Variants in SULF2 observed in about 807,000 individuals in gnomAD.
SULF2 encodes the protein sulfatase 2.
Under a neutral mutation model 107.7 loss-of-function variants are expected in SULF2, and 52 were observed. The ratio of observed to expected loss-of-function variants is 0.48; its 90% CI spans 0.39 to 0.61. The LOEUF is 0.61. Ranked by LOEUF, SULF2 falls within the 20% of genes least tolerant of loss-of-function variation. The probability of loss-of-function intolerance (pLI) is 0.00; values close to 1 mark genes in which losing one functional copy is unlikely to be tolerated. For synonymous variants in SULF2, 460 were observed against 464.3 expected, an observed-to-expected ratio of 0.99 and a Z score of 0.12; for missense variants, 993 against 1,177.3, an observed-to-expected ratio of 0.84 and a Z score of 2.29.
intron 2 of SULF2, among the ~76,000 whole-genome samples, chr20:47,755,599 C>T (rs758511756): frequency 3.9e-5 from 6 of 152,116 alleles, no homozygotes; most frequent in East Asian, 1.9e-4. Flanking sequence ...CAGGTGGGAC[C>T]GCATCTCAGC....
intron 4 of SULF2, among the ~76,000 whole-genome samples, chr20:47,699,753 A>G (rs951955060): frequency 3.9e-5 from 6 of 152,296 alleles, no homozygotes; most frequent in African/African-American, 1.4e-4. Flanking sequence ...ATATTTACCA[A>G]TCAGGAGATT....
intron 5 of SULF2, among the ~76,000 whole-genome samples, chr20:47,688,098 C>T (rs58333289): frequency 0.17 from 26,199 of 150,922 alleles, 2,412 homozygotes; most frequent in Admixed American, 0.19. Context: ...CCAACTTTTG[C>T]CAGAGTACAC....
chr20:47,786,436 C>T (rs967643773), upstream of SULF2: 1 of 152,068 alleles, frequency 6.6e-6, no homozygotes, highest in Non-Finnish European at 1.5e-5. Context: ...ACTCGACTGC[C>T]TTTGCCGAAA....
intron 19 of SULF2, 102 bp downstream of exon 19, chr20:47,659,595 G>T: frequency 1.5e-6 from 2 of 1,357,578 alleles, no homozygotes; most frequent in Non-Finnish European, 2.1e-6. Context: ...CAGAGGGAAG[G>T]GCAGTTTCTC....
intron 1 of SULF2, among the ~76,000 whole-genome samples, chr20:47,772,287 C>G (rs1334801749): frequency 6.6e-6 from 1 of 152,192 alleles, no homozygotes; most frequent in African/African-American, 2.4e-5. Flanking sequence ...CTGTGTATCA[C>G]AGGGTGTTCA....
chr20:47,719,432 G>A (rs1384506753), intron 3 of SULF2, among the ~76,000 whole-genome samples: 1 of 152,170 alleles, frequency 6.6e-6, no homozygotes, highest in Non-Finnish European at 1.5e-5. Context: ...AGGATGGGAT[G>A]CTGCTTTAGA....
At chr20:47,687,050 A>G (rs1206836320) in intron 5 of SULF2, among the ~76,000 whole-genome samples, 1 of 152,202 alleles carries the variant, frequency 6.6e-6, no homozygotes, top group Non-Finnish European at 1.5e-5. Context: ...AGCGTGTGGG[A>G]AAATTGGTCC....
At chr20:47,697,558 A>G (rs1424815628) in intron 4 of SULF2, among the ~76,000 whole-genome samples, 2 of 152,080 alleles carry the variant, frequency 1.3e-5, no homozygotes, top group African/African-American at 4.8e-5. Flanking sequence ...CCTGCTGCCC[A>G]CTGCTACCCT....
intron 10 of SULF2, among the ~76,000 whole-genome samples, chr20:47,673,146 C>A (rs748670683): frequency 6.6e-6 from 1 of 152,190 alleles, no homozygotes; most frequent in East Asian, 1.9e-4. Flanking sequence ...GATCCCCTCA[C>A]GGGATTCTGC....
chr20:47,758,229 C>T (rs1024339209), intron 1 of SULF2, among the ~76,000 whole-genome samples: 1 of 143,878 alleles, frequency 7.0e-6, no homozygotes, highest in Non-Finnish European at 1.5e-5. Flanking sequence ...AGTGCAATGA[C>T]GCCATCTGGG....
chr20:47,766,856 T>A (rs1247555174), intron 1 of SULF2, among the ~76,000 whole-genome samples: 1 of 152,020 alleles, frequency 6.6e-6, no homozygotes. Flanking sequence ...ATGTTTTGTA[T>A]GTCAAGTGGG....
chr20:47,769,972 G>A (rs2090598253), intron 1 of SULF2, among the ~76,000 whole-genome samples: 1 of 151,838 alleles, frequency 6.6e-6, no homozygotes, highest in Non-Finnish European at 1.5e-5. Context: ...GGGAGGGCCG[G>A]AAAGGGGGCA....
chr20:47,776,293 C>T (rs7265486), intron 1 of SULF2, among the ~76,000 whole-genome samples: 3,994 of 152,288 alleles, frequency 0.026, 78 homozygotes, highest in Middle Eastern at 0.041. Context: ...AACATTTCTG[C>T]GAGCTGAACA....
chr20:47,697,024 C>T (rs2088402600), intron 4 of SULF2, among the ~76,000 whole-genome samples: 1 of 152,182 alleles, frequency 6.6e-6, no homozygotes, highest in African/African-American at 2.4e-5. Context: ...AGGGGCGGGG[C>T]ACATGAAGTT....
intron 2 of SULF2, among the ~76,000 whole-genome samples, chr20:47,755,615 G>C (rs977391640): frequency 1.3e-5 from 2 of 152,000 alleles, no homozygotes; most frequent in Non-Finnish European, 2.9e-5. Context: ...TCAGCACCCG[G>C]GTCTGAGCTT....
chr20:47,665,333 G>T, intron 13 of SULF2, 40 bp from the exon 14 acceptor site: 1 of 1,346,266 alleles, frequency 7.4e-7, no homozygotes, highest in Non-Finnish European at 1.1e-6. Flanking sequence ...AAACCTTCAA[G>T]GCTGGACAAC....
At chr20:47,741,670 G>T (rs891946122) in intron 2 of SULF2, among the ~76,000 whole-genome samples, 3 of 152,140 alleles carry the variant, frequency 2.0e-5, no homozygotes, top group African/African-American at 7.2e-5. Context: ...AAGTGGAATC[G>T]ATCCTTTGCT....
intron 10 of SULF2, 149 bp downstream of exon 10, chr20:47,676,345 C>A: frequency 1.2e-6 from 1 of 849,224 alleles, no homozygotes; most frequent in South Asian, 1.8e-5. Flanking sequence ...CCTGCACCAC[C>A]AAACAGCATC....
intron 1 of SULF2, among the ~76,000 whole-genome samples, chr20:47,763,573 A>C (rs2090460964): frequency 6.6e-6 from 1 of 152,268 alleles, no homozygotes; most frequent in African/African-American, 2.4e-5. Context: ...TGTCCATGAA[A>C]GGCGGGAAGA....
Sources: allele counts gnomAD v4.1 joint callset (sites outside exome capture counted in the v4.1 genomes callset), GRCh38; gene constraint gnomAD v4.1.1; transcripts MANE v1.5; gene names NCBI Gene and HGNC (gene_info 2026-07-23, HGNC 2026-07-21).